The following ZDHHC15 variants were observed in gnomAD, a reference collection of about 807,000 sequenced individuals.
ZDHHC15 encodes the protein zDHHC palmitoyltransferase 15, also known as palmitoyltransferase ZDHHC15.
In ZDHHC15, 19 loss-of-function variants were observed where a neutral mutation model predicts 31.7. The ratio of observed to expected loss-of-function variants is 0.60; its 90% CI spans 0.42 to 0.88. The LOEUF (loss-of-function observed/expected upper bound fraction) is 0.88. Ranked by LOEUF, ZDHHC15 falls within the 40% of genes least tolerant of loss-of-function variation. The pLI is 0.00. For missense variants in ZDHHC15, 209 were observed against 251.2 expected, an observed-to-expected ratio of 0.83 and a Z score of 1.14; for synonymous variants, 103 against 90.0, an observed-to-expected ratio of 1.14 and a Z score of -0.82.
chrX:75,396,777 T>C (rs1208310774), intron 10 of ZDHHC15, among the ~76,000 whole-genome samples: 4 of 110,413 alleles, frequency 3.6e-5, no homozygotes, highest in African/African-American at 1.3e-4. Context: ...AAAAGTAGTA[T>C]ATACATACAA....
chrX:75,442,103 G>C (rs1008662516), intron 4 of ZDHHC15, among the ~76,000 whole-genome samples: 1 of 112,303 alleles, frequency 8.9e-6, no homozygotes, highest in Non-Finnish European at 1.9e-5. Flanking sequence ...CCAGATATTT[G>C]ATTAAACATT....
At chrX:75,475,259 T>C (rs1377081010) in intron 3 of ZDHHC15, among the ~76,000 whole-genome samples, 1 of 111,595 alleles carries the variant, frequency 9.0e-6, no homozygotes, top group Non-Finnish European at 1.9e-5. Flanking sequence ...TTTATGTATG[T>C]TTACTTTTTT....
intron 3 of ZDHHC15, among the ~76,000 whole-genome samples, chrX:75,471,556 C>T (rs1270420067): frequency 8.9e-6 from 1 of 112,286 alleles, no homozygotes; most frequent in East Asian, 2.8e-4. Context: ...CATTTGGCCC[C>T]TCCTACAACC....
At chrX:75,507,303 T>C (rs971381611) in intron 1 of ZDHHC15, among the ~76,000 whole-genome samples, 4 of 111,425 alleles carry the variant, frequency 3.6e-5, no homozygotes, top group Non-Finnish European at 7.5e-5. Flanking sequence ...GCAGTGGAAT[T>C]GACTTGTAAA....
In ZDHHC15 at chrX:75,425,541, C is replaced by T. The variant is rs777854416; in HGVS notation, c.604-757G>A. Among the ~76,000 whole-genome samples the T allele has an allele frequency of 5.7e-4, 64 of 112,277 alleles. No homozygotes were observed. The Middle Eastern group carries it at 0.018, about 32-fold the overall frequency. ...GAATGTTATAAAGTTCTGTAACATG[C>T]GCAGCATGTAACATTTATCTTCTGA... On this transcript the variant is annotated intron_variant, in intron 7 of 11. Coordinates refer to ENST00000373367, the MANE Select transcript of ZDHHC15 (RefSeq NM_144969.3).
At position 75,456,325 on chromosome X, in the gene ZDHHC15, G is replaced by A. The variant is rs762592788; in HGVS notation, c.259-5403C>T. On this transcript the variant is annotated intron_variant, in intron 3 of 11. Transcript: ENST00000373367. ...CAATGAGAACACTTGGACACAGGGC[G>A]GGGTACATCATATACCAGGGCCTGT... Among the ~76,000 whole-genome samples the A allele has an allele frequency of 2.8e-4, 30 of 105,555 alleles. 1 individual carries two copies. Among genetic ancestry groups the A allele is most frequent in the African/African-American group, 8.7e-4 (25 of 28,809 alleles). The allele number at this position is 105,555 out of a possible 115,157, so 91.7% of individuals were successfully genotyped here. A position where few individuals can be genotyped will look rare whatever the true frequency, so the allele number is the denominator to read the frequency against.
At chrX:75,478,820 C>T (rs1246953306) in intron 3 of ZDHHC15, 71 bp downstream of exon 3, 4 of 806,901 alleles carry the variant, frequency 5.0e-6, no homozygotes, top group Admixed American at 2.9e-5. Context: ...CTCTTTTTGT[C>T]CTCTTCTTGC....
chrX:75,498,093 C>G (rs1175383950), intron 2 of ZDHHC15, among the ~76,000 whole-genome samples: 2 of 110,335 alleles, frequency 1.8e-5, no homozygotes, highest in East Asian at 5.7e-4. Flanking sequence ...ACCACCACGC[C>G]AGAATAATTT....
At chrX:75,482,955 A>G (rs1454872809) in intron 2 of ZDHHC15, among the ~76,000 whole-genome samples, 2 of 107,677 alleles carry the variant, frequency 1.9e-5, no homozygotes, top group Admixed American at 1.0e-4. Flanking sequence ...GCCGATAATC[A>G]TAAGTGTATA....
At chrX:75,378,861 T>C (rs1279066141) in intron 11 of ZDHHC15, among the ~76,000 whole-genome samples, 2 of 111,307 alleles carry the variant, frequency 1.8e-5, no homozygotes, top group Non-Finnish European at 3.8e-5. Flanking sequence ...ACGGAATGTT[T>C]GGGTGTCTGG....
In ZDHHC15 at chrX:75,492,754, C is replaced by A. The variant is rs767371572; in HGVS notation, c.163+13067G>T. Among the ~76,000 whole-genome samples the A allele has an allele frequency of 7.7e-3, 856 of 111,521 alleles. 10 individuals are homozygous for A. The highest frequency in any genetic ancestry group is 0.026 in the African/African-American group (786 of 30,669). On this transcript the variant is annotated intron_variant, in intron 2 of 11. Coordinates refer to ENST00000373367, the MANE Select transcript of ZDHHC15 (RefSeq NM_144969.3). ...CCAATGAGAACAAAGACACAACATA[C>A]CAGAATCTCTGGGACACATTCAAAG... is the stretch of plus-strand genomic sequence containing the variant.
chrX:75,519,140 C>G (rs1475347458), intron 1 of ZDHHC15, among the ~76,000 whole-genome samples: 1 of 109,773 alleles, frequency 9.1e-6, no homozygotes, highest in Non-Finnish European at 1.9e-5. Context: ...GATGGCTGCA[C>G]AACATTGTGA....
chrX:75,408,019 G>C (rs1023630898), intron 10 of ZDHHC15, among the ~76,000 whole-genome samples: 15 of 102,768 alleles, frequency 1.5e-4, no homozygotes, highest in Non-Finnish European at 2.4e-4. Flanking sequence ...CAGCATGCTC[G>C]TTAAGAGTCA....
chrX:75,424,761 A>G lies in ZDHHC15; in HGVS notation c.627T>C (p.Ser209=). ...AGAGAAGAAAAAGGACATGGAACTT[A>G]GAGCGAACACTGGGTAATTCCCCCT... ...YWRGELPSVR[S]KFHVLFLLFV... is the part of the protein sequence containing the mutation. Residue 209 remains serine, a synonymous_variant, in exon 8 of 12, where the codon TCT becomes TCC. Coordinates refer to ENST00000373367, the MANE Select transcript of ZDHHC15 (RefSeq NM_144969.3). The G allele has an allele frequency of 8.3e-7, 1 of 1,202,979 alleles. No homozygotes were observed.
intron 3 of ZDHHC15, among the ~76,000 whole-genome samples, chrX:75,477,227 A>T (rs745687003): frequency 1.3e-5 from 1 of 79,676 alleles, no homozygotes; most frequent in African/African-American, 3.8e-5. Context: ...ACAATCAGAG[A>T]AGATATTTTG....
chrX:75,510,087 T>C (rs1458969329), intron 1 of ZDHHC15, among the ~76,000 whole-genome samples: 1 of 111,754 alleles, frequency 8.9e-6, no homozygotes, highest in Non-Finnish European at 1.9e-5. Context: ...TCAGTCTTTA[T>C]TTACTTCTTT....
intron 2 of ZDHHC15, among the ~76,000 whole-genome samples, chrX:75,484,034 T>G (rs2084737563): frequency 8.9e-6 from 1 of 111,997 alleles, no homozygotes. Context: ...TTATGTTAAT[T>G]TCACACATTT....
chrX:75,423,393 G>C (rs899958156), intron 8 of ZDHHC15, among the ~76,000 whole-genome samples: 5 of 106,290 alleles, frequency 4.7e-5, no homozygotes, highest in Non-Finnish European at 9.6e-5. Context: ...TCCATTCTTT[G>C]TGTTTACGTG....
At chrX:75,479,931 C>T (rs895508295) in intron 2 of ZDHHC15, among the ~76,000 whole-genome samples, 3 of 111,601 alleles carry the variant, frequency 2.7e-5, no homozygotes, top group African/African-American at 9.8e-5. Context: ...ATAAAAGTGG[C>T]TCTCTACTAC....
Sources: gnomAD v4.1 joint callset for allele counts (sites outside exome capture counted in the v4.1 genomes callset) on GRCh38, gnomAD v4.1.1 for gene constraint, MANE v1.5 for transcripts, NCBI Gene and HGNC (gene_info 2026-07-23, HGNC 2026-07-21) for gene names.